Variants in PRICKLE2 observed in about 807,000 individuals in gnomAD.
PRICKLE2 encodes the protein prickle-like protein 2.
Under a neutral mutation model 81.4 loss-of-function variants are expected in PRICKLE2, and 21 were observed. The ratio of observed to expected loss-of-function variants is 0.26; its 90% CI spans 0.18 to 0.37. The LOEUF (loss-of-function observed/expected upper bound fraction) is 0.37. PRICKLE2 is among the 10% of genes least tolerant of loss of function. The probability of loss-of-function intolerance (pLI) is 1.00; values close to 1 mark genes in which losing one functional copy is unlikely to be tolerated. For synonymous variants in PRICKLE2, 456 were observed against 421.5 expected (o/e 1.08, Z -1.00); for missense variants, 940 against 1,109.0 (o/e 0.85, Z 2.16).
rs1406893819 is a variant in PRICKLE2 at position 64,147,404 on chromosome 3, A to G, written c.1086T>C (p.Ser362=). The part of the protein sequence containing the change: ...LNQHSQLQVS[S]NRLSADVDPL... ...GGTCTACGTCGGCTGACAGCCGGTTAGAACTCACTTGCAGCTGGCTGTGCT... is the reference window on the plus strand; with the variant it reads ...GGTCTACGTCGGCTGACAGCCGGTTGGAACTCACTTGCAGCTGGCTGTGCT... Residue 362 remains serine, a synonymous_variant, in exon 7 of 8, where the codon TCT becomes TCC. Transcript: ENST00000638394. This position sits in a 1 kb window ranked among gnomAD's most constrained non-coding sequence, Gnocchi z 5.0. 6.2e-7 allele frequency: 1 copy of G among 1,614,136 alleles called. No homozygotes were observed. The highest frequency in any genetic ancestry group is 8.5e-7 in the Non-Finnish European group (1 of 1,180,056).
chr3:64,243,743 C>CA (rs571273668), intron 2 of PRICKLE2, among the ~76,000 whole-genome samples: 184 of 152,214 alleles, frequency 1.2e-3, no homozygotes, highest in African/African-American at 4.0e-3. Context: ...TTAAGAAAAA[C>CA]GATGTTAGAA....
At chr3:64,257,389 G>C (rs1477175536) in intron 2 of PRICKLE2, among the ~76,000 whole-genome samples, 6 of 152,150 alleles carry the variant, frequency 3.9e-5, no homozygotes, top group African/African-American at 1.4e-4. Flanking sequence ...GTATGAAAGG[G>C]GAGTGTAGGA....
intron 2 of PRICKLE2, among the ~76,000 whole-genome samples, chr3:64,253,064 C>T (rs115771664): frequency 0.012 from 1,813 of 152,226 alleles, 38 homozygotes; most frequent in African/African-American, 0.04. Flanking sequence ...CCCACCTGAC[C>T]TTACAGAAAA....
chr3:64,186,737 G>A (rs1197604559), intron 2 of PRICKLE2, among the ~76,000 whole-genome samples: 1 of 152,190 alleles, frequency 6.6e-6, no homozygotes, highest in African/African-American at 2.4e-5. Context: ...GGAAGGCACA[G>A]GCAGATAAAT....
chr3:64,206,889 C>T (rs1016597325), intron 1 of PRICKLE2, among the ~76,000 whole-genome samples: 2 of 152,266 alleles, frequency 1.3e-5, no homozygotes, highest in South Asian at 2.1e-4. Flanking sequence ...ATGACTCTAG[C>T]TCACTAAAGG....
chr3:64,178,977 T>TTCTTTCTTTC (rs2078071490), intron 2 of PRICKLE2, among the ~76,000 whole-genome samples: 17 of 112,722 alleles, frequency 1.5e-4, no homozygotes, highest in African/African-American at 5.2e-4. Flanking sequence ...CTTTCTTTCT[T>TTCTTTCTTTC]TCTTTCTTTC....
At chr3:64,166,904 C>T (rs1243708564) in intron 2 of PRICKLE2, among the ~76,000 whole-genome samples, 1 of 152,114 alleles carries the variant, frequency 6.6e-6, no homozygotes, top group Non-Finnish European at 1.5e-5. Context: ...TGTTTAGATG[C>T]TGGACTTTCC....
intron 2 of PRICKLE2, among the ~76,000 whole-genome samples, chr3:64,184,942 T>C (rs530595275): frequency 3.9e-5 from 6 of 152,350 alleles, no homozygotes; most frequent in Non-Finnish European, 7.3e-5. Context: ...ACACGTAGAA[T>C]TGCCAAGTGG....
chr3:64,157,509 A>G, intron 4 of PRICKLE2, 144 bp from the exon 5 acceptor site: 2 of 845,340 alleles, frequency 2.4e-6, no homozygotes, highest in Non-Finnish European at 3.9e-6. Context: ...TTACACAGGC[A>G]GCAGGGCAGG....
chr3:64,223,981 T>C (rs1266179114), intron 1 of PRICKLE2, among the ~76,000 whole-genome samples: 1 of 152,216 alleles, frequency 6.6e-6, no homozygotes, highest in African/African-American at 2.4e-5. Flanking sequence ...CGGCAGTCTA[T>C]GTCTACATAT....
chr3:64,154,901 T>G (rs2107029802), intron 5 of PRICKLE2: 1 of 151,936 alleles, frequency 6.6e-6, no homozygotes, highest in Admixed American at 6.5e-5. Context: ...GTAATCCCAG[T>G]GCTTTGAGAG....
At chr3:64,188,945 T>A (rs1451688184) in intron 2 of PRICKLE2, among the ~76,000 whole-genome samples, 1 of 152,216 alleles carries the variant, frequency 6.6e-6, no homozygotes, top group Non-Finnish European at 1.5e-5. Flanking sequence ...TAGACGTCGG[T>A]CTCTGAATGT....
At chr3:64,207,726 G>A (rs769763230) in intron 1 of PRICKLE2, among the ~76,000 whole-genome samples, 2 of 151,636 alleles carry the variant, frequency 1.3e-5, no homozygotes, top group Non-Finnish European at 2.9e-5. Flanking sequence ...AGGTCCCTTC[G>A]ATAAAAAAAA....
intron 1 of PRICKLE2, among the ~76,000 whole-genome samples, chr3:64,219,287 A>G (rs1296964828): frequency 2.0e-5 from 3 of 152,208 alleles, no homozygotes; most frequent in African/African-American, 7.2e-5. Flanking sequence ...TAGGACCTTC[A>G]TGTTCAAGAT....
Position 64,099,421 on chromosome 3 carries a change from T to C in PRICKLE2, c.2165A>G (p.Asp722Gly). ...KDRPPLRARE[D>G]YDQFMRQRSF... Reference sequence around the variant, plus strand: ...CCGCTGGCGCATAAATTGGTCATAGTCCTCCCTGGCTCTCAGAGGGGGCCT... The same window carrying C: ...CCGCTGGCGCATAAATTGGTCATAGCCCTCCCTGGCTCTCAGAGGGGGCCT... The change falls in exon 8 of 8, where the codon GAC (aspartate) becomes GGC (glycine). Residue 722 changes from aspartate (D) to glycine (G), a missense_variant. Asp to Gly is a moderately conservative substitution (Grantham distance 94). This residue lies in a region of PRICKLE2 where 670 missense variants were observed against 717.2 expected (regional missense o/e 0.93). Coordinates refer to ENST00000638394, the MANE Select transcript of PRICKLE2 (RefSeq NM_198859.4). This position sits in a 1 kb window ranked among gnomAD's most constrained non-coding sequence, Gnocchi z 4.3. 1 of 1,595,078 alleles carries C rather than the reference T, an allele frequency of 6.3e-7. No individual in the cohort carries two copies. Among genetic ancestry groups the C allele is most frequent in the Non-Finnish European group, 8.6e-7 (1 of 1,167,714 alleles).
chr3:64,207,254 C>T (rs1162479152), intron 1 of PRICKLE2, among the ~76,000 whole-genome samples: 4 of 152,094 alleles, frequency 2.6e-5, no homozygotes, highest in Admixed American at 1.3e-4. Flanking sequence ...CCTTATTATA[C>T]TTATTATAAA....
Position 64,221,687 on chromosome 3 carries a change from T to C in PRICKLE2, c.-41+3223A>G, listed in dbSNP as rs752220291. On this transcript the variant is annotated intron_variant, in intron 1 of 7. Transcript: ENST00000638394. The stretch of plus-strand genomic sequence containing the variant: ...ACAGAGAAAGGTTTCAGTGGATCTT[T>C]AAGCACAAAAGAAAGTCTTTATCCA... Among the ~76,000 whole-genome samples, 11 of 152,260 alleles carry C rather than the reference T, an allele frequency of 7.2e-5. No homozygotes were observed. The South Asian group carries it at 1.2e-3, about 17-fold the overall frequency.
chr3:64,186,849 G>C (rs1309249155), intron 2 of PRICKLE2, among the ~76,000 whole-genome samples: 1 of 152,194 alleles, frequency 6.6e-6, no homozygotes, highest in African/African-American at 2.4e-5. Context: ...AGGCAGAGGA[G>C]ATCATCTTGA....
At chr3:64,162,360 A>G (rs1398340681) in intron 3 of PRICKLE2, among the ~76,000 whole-genome samples, 1 of 152,150 alleles carries the variant, frequency 6.6e-6, no homozygotes, top group Non-Finnish European at 1.5e-5. Flanking sequence ...TTTGAAAACC[A>G]TGTTTACAAA....
Sources: gnomAD v4.1 joint callset for allele counts (sites outside exome capture counted in the v4.1 genomes callset) on GRCh38, gnomAD v4.1.1 for gene constraint, gnomAD v4.1.1 regional missense constraint, Gnocchi (gnomAD v3.1) non-coding constraint, MANE v1.5 for transcripts, NCBI Gene and HGNC (gene_info 2026-07-23, HGNC 2026-07-21) for gene names.